Variants in RABL6 observed in about 807,000 individuals in gnomAD.
RABL6 encodes the protein rab-like protein 6.
Under a neutral mutation model 72.9 loss-of-function variants are expected in RABL6, and 28 were observed. The observed-to-expected ratio is 0.38, with a 90% CI of 0.28 to 0.53. The LOEUF (loss-of-function observed/expected upper bound fraction) is 0.53, where lower values mean the gene tolerates loss of function less well. Ranked by LOEUF, RABL6 falls within the 20% of genes least tolerant of loss-of-function variation. The pLI is 0.80. For synonymous variants in RABL6, 477 were observed against 421.2 expected (o/e 1.13, Z -1.62); for missense variants, 1,029 against 1,008.4 (o/e 1.02, Z -0.28).
chr9:136,807,981 G>C lies in RABL6; in HGVS notation c.-216G>C, dbSNP rs1233888337. The C allele has an allele frequency of 2.0e-6, 2 of 1,006,450 alleles. No individual in the cohort carries two copies. The highest frequency in any genetic ancestry group is 3.5e-5 in the African/African-American group (2 of 57,324). 62.3% of individuals were successfully genotyped at this position (1,006,450 alleles called of 1,614,324 possible). A position where few individuals can be genotyped will look rare whatever the true frequency, so the allele number is the denominator to read the frequency against. On this transcript the variant is annotated 5_prime_UTR_variant, in exon 1 of 15. Transcript: ENST00000311502. ...GCGCTGACTCCTGGAGAGCGGTCGC[G>C]CCGGAGGCCGCGGGGGCCGGAGCGG...
intron 7 of RABL6, chr9:136,832,948 C>A: frequency 3.0e-6 from 1 of 335,186 alleles, no homozygotes; most frequent in Non-Finnish European, 5.8e-6. Context: ...AACCTCCTCG[C>A]CCTGGGCTGC....
At position 136,823,637 on chromosome 9, in the gene RABL6, C is replaced by T; in HGVS notation, c.243C>T (p.Thr81=). The T allele has an allele frequency of 6.2e-7, 1 of 1,612,634 alleles. No individual in the cohort carries two copies. The highest frequency in any genetic ancestry group is 1.7e-5 in the Admixed American group (1 of 59,912). The change falls in exon 2 of 15, where the codon ACC becomes ACT. Residue 81 remains threonine, a synonymous_variant. Transcript: ENST00000311502. The stretch of plus-strand genomic sequence containing the variant: ...TCCCCACACAGGAGATCCAGGTCAC[C>T]AGCATCCACTGGAGCTACAAGAGTA... The part of the protein sequence containing the change: ...EYIPTQEIQV[T]SIHWSYKTTD...
At chr9:136,833,541 G>A in intron 7 of RABL6, 2 of 827,682 alleles carry the variant, frequency 2.4e-6, no homozygotes, top group South Asian at 1.8e-5. Context: ...CTGGGTCTGG[G>A]GGACCTGAAT....
chr9:136,840,020 G>C, intron 13 of RABL6, 134 bp from the exon 14 acceptor site: 1 of 1,480,696 alleles, frequency 6.8e-7, no homozygotes, highest in Non-Finnish European at 9.3e-7. Context: ...TGTTTGCAGT[G>C]TGGTCCTGTC....
chr9:136,833,849 C>T (rs1239712505), intron 7 of RABL6: 3 of 1,550,412 alleles, frequency 1.9e-6, no homozygotes, highest in Non-Finnish European at 2.6e-6. Context: ...TCAGACTTGT[C>T]CTGTGCCGGC....
intron 1 of RABL6, among the ~76,000 whole-genome samples, chr9:136,819,393 G>C (rs1848193615): frequency 6.6e-6 from 1 of 152,030 alleles, no homozygotes; most frequent in Non-Finnish European, 1.5e-5. Flanking sequence ...GCTGGGGGAG[G>C]GGCAAGGGAA....
chr9:136,834,037 A>C (rs761938495), intron 7 of RABL6: 31 of 1,464,686 alleles, frequency 2.1e-5, no homozygotes, highest in African/African-American at 2.8e-5. Context: ...CTGGAAGCGT[A>C]GGGCTGAGCT....
At chr9:136,828,625 T>G in intron 4 of RABL6, 79 bp downstream of exon 4, 1 of 1,484,756 alleles carries the variant, frequency 6.7e-7, no homozygotes, top group Non-Finnish European at 9.3e-7. Flanking sequence ...CTTCACACGC[T>G]TTTGACCCCA....
chr9:136,838,081 TGGGG>T, intron 10 of RABL6, 66 bp downstream of exon 10: 1 of 1,533,854 alleles, frequency 6.5e-7, no homozygotes, highest in Non-Finnish European at 8.8e-7. Context: ...GAGCAGCAGG[TGGGG>T]CTGGCTTTCT....
rs538609754 is a variant in RABL6, at chr9:136,823,064, G to A, written c.131-461G>A. On this transcript the variant is annotated intron_variant, in intron 1 of 14. Coordinates refer to ENST00000311502, the MANE Select transcript of RABL6 (RefSeq NM_024718.5). ...GATAGCACCACTGCAGTACGGCCTG[G>A]GCAAAAAAGCGAGACTCCGTCTCAA... Among the ~76,000 whole-genome samples the A allele has an allele frequency of 1.3e-4, 19 of 148,328 alleles. No homozygotes were observed. In the East Asian group the frequency reaches 3.2e-3, roughly 25 times the overall value.
At chr9:136,822,834 A>C (rs923082728) in intron 1 of RABL6, among the ~76,000 whole-genome samples, 2 of 152,198 alleles carry the variant, frequency 1.3e-5, no homozygotes, top group African/African-American at 4.8e-5. Flanking sequence ...CACGTCTGTA[A>C]TCCCAGCACT....
rs1848421512 is a variant in RABL6 at position 136,829,285 on chromosome 9, C to T, written c.367-108C>T. On this transcript the variant is annotated intron_variant, in intron 4 of 14. Transcript: ENST00000311502. ...GCATATCGTTTCCAAATGGAAATGG[C>T]TGTTATCTTTTCAGATTAGAAGACT... The T allele has an allele frequency of 1.1e-5, 9 of 832,780 alleles. No homozygotes were observed. The Admixed American group carries it at 1.7e-4, about 16-fold the overall frequency. 51.6% of individuals were successfully genotyped at this position (832,780 alleles called of 1,614,324 possible).
At chr9:136,811,867 G>T (rs1403545866) in intron 1 of RABL6, among the ~76,000 whole-genome samples, 1 of 152,158 alleles carries the variant, frequency 6.6e-6, no homozygotes, top group Non-Finnish European at 1.5e-5. Context: ...TTCCAGAAGG[G>T]AGGAGGCCAC....
At chr9:136,831,900 G>A in intron 6 of RABL6, 39 bp downstream of exon 6, 1 of 1,572,468 alleles carries the variant, frequency 6.4e-7, no homozygotes, top group Non-Finnish European at 8.6e-7. Flanking sequence ...ACCCTGCCCG[G>A]TGCTCCGGTG....
chr9:136,818,803 A>T (rs939683781), intron 1 of RABL6, among the ~76,000 whole-genome samples: 4 of 152,246 alleles, frequency 2.6e-5, no homozygotes, highest in African/African-American at 9.6e-5. Context: ...GGTGATCATG[A>T]TTTATATAGG....
intron 1 of RABL6, 186 bp downstream of exon 1, chr9:136,808,512 G>C: frequency 2.1e-6 from 1 of 476,446 alleles, no homozygotes; most frequent in South Asian, 1.0e-4. Context: ...GGCCAGGGCC[G>C]GGTCCTCGCG....
chr9:136,830,792 C>T (rs1484681285), intron 5 of RABL6, among the ~76,000 whole-genome samples: 1 of 152,244 alleles, frequency 6.6e-6, no homozygotes, highest in African/African-American at 2.4e-5. Context: ...AAGGCGCTTA[C>T]CTGTGGGCCC....
In RABL6 at chr9:136,840,419, C is replaced by G. The variant is rs764404028; in HGVS notation, c.2087C>G (p.Pro696Arg). Residue 696 changes from proline (P) to arginine (R), a missense_variant, in exon 15 of 15, where the codon CCG becomes CGG. Coordinates refer to ENST00000311502, the MANE Select transcript of RABL6 (RefSeq NM_024718.5). ...CGGCGACGGCGGCAGCAGCGGCCCC[C>G]GCGCAGCAGGGAGAGGACGGCTGCC... is the stretch of plus-strand genomic sequence containing the variant. ...EERRRRQQRPPRSRERTAADE... is the reference protein window; with the variant it reads ...EERRRRQQRPRRSRERTAADE... 1.9e-6 allele frequency: 3 copies of G among 1,549,962 alleles called. No individual in the cohort carries two copies. The South Asian group carries it at 3.6e-5, about 18-fold the overall frequency.
At chr9:136,818,446 G>C (rs114422241) in intron 1 of RABL6, among the ~76,000 whole-genome samples, 2 of 141,390 alleles carry the variant, frequency 1.4e-5, no homozygotes, top group Non-Finnish European at 3.1e-5. Flanking sequence ...TGGTGAAAAT[G>C]AAATAAGTGT....
Sources: gnomAD v4.1 joint callset for allele counts (sites outside exome capture counted in the v4.1 genomes callset) on GRCh38, gnomAD v4.1.1 for gene constraint, MANE v1.5 for transcripts, NCBI Gene and HGNC (gene_info 2026-07-23, HGNC 2026-07-21) for gene names.